ARMH3: variants seen among roughly 807,000 people sequenced by gnomAD.
The protein encoded by ARMH3 is armadillo-like helical domain-containing protein 3.
ARMH3 carries 60 observed loss-of-function variants against 99.1 expected under a neutral mutation model. The ratio of observed to expected loss-of-function variants is 0.61; its 90% CI spans 0.49 to 0.75. The LOEUF is 0.75. ARMH3 is among the 30% of genes least tolerant of loss of function. The pLI is 0.00. For synonymous variants in ARMH3, 285 were observed against 292.8 expected, an observed-to-expected ratio of 0.97 and a Z score of 0.27; for missense variants, 679 against 843.1, an observed-to-expected ratio of 0.81 and a Z score of 2.41.
At chr10:101,983,436 C>G (rs1215625368) in intron 19 of ARMH3, among the ~76,000 whole-genome samples, 1 of 152,110 alleles carries the variant, frequency 6.6e-6, no homozygotes, top group Non-Finnish European at 1.5e-5. Flanking sequence ...CACACACTAC[C>G]ACACCTAACT....
chr10:101,886,067 A>G (rs1229002288), intron 24 of ARMH3, among the ~76,000 whole-genome samples: 1 of 152,020 alleles, frequency 6.6e-6, no homozygotes, highest in Non-Finnish European at 1.5e-5. Flanking sequence ...CAAAAAAAAA[A>G]AGGGGGTTAA....
chr10:101,971,095 C>CAAAAA (rs71472590), intron 20 of ARMH3, among the ~76,000 whole-genome samples: 3 of 33,298 alleles, frequency 9.0e-5, no homozygotes, highest in African/African-American at 1.3e-4. Context: ...AGACCGTCTC[C>CAAAAA]AAAAAAAAAA....
intron 24 of ARMH3, among the ~76,000 whole-genome samples, chr10:101,875,126 T>C (rs886284153): frequency 3.3e-5 from 5 of 152,100 alleles, no homozygotes; most frequent in Admixed American, 1.3e-4. Flanking sequence ...GCACTAAAGA[T>C]ACTTAGAAGC....
At chr10:102,054,376 G>A (rs953886213) in intron 1 of ARMH3, among the ~76,000 whole-genome samples, 1 of 148,070 alleles carries the variant, frequency 6.8e-6, no homozygotes, top group Non-Finnish European at 1.5e-5. Context: ...GCGACAGAGC[G>A]AGACTCCGTC....
chr10:101,860,376 T>G (rs992562910), intron 24 of ARMH3, among the ~76,000 whole-genome samples: 2 of 152,190 alleles, frequency 1.3e-5, no homozygotes, highest in Non-Finnish European at 2.9e-5. Flanking sequence ...AGTTCAGAAC[T>G]TCCACTTGAT....
chr10:101,935,238 T>C (rs1164273114), intron 23 of ARMH3, among the ~76,000 whole-genome samples: 1 of 147,146 alleles, frequency 6.8e-6, no homozygotes, highest in African/African-American at 2.5e-5. Context: ...AACTCTCCTA[T>C]AGAGAAGAAA....
At chr10:101,874,108 T>C (rs1457895834) in intron 24 of ARMH3, among the ~76,000 whole-genome samples, 1 of 152,188 alleles carries the variant, frequency 6.6e-6, no homozygotes, top group Non-Finnish European at 1.5e-5. Flanking sequence ...TACTCTACAG[T>C]GAAAATAATC....
intron 24 of ARMH3, among the ~76,000 whole-genome samples, chr10:101,862,394 T>C (rs939875482): frequency 2.6e-5 from 4 of 152,136 alleles, no homozygotes; most frequent in Admixed American, 2.6e-4. Flanking sequence ...CTGGCCAACA[T>C]GGTGAAACCC....
intron 25 of ARMH3, among the ~76,000 whole-genome samples, chr10:101,849,331 G>A (rs919945958): frequency 3.9e-5 from 6 of 152,212 alleles, no homozygotes; most frequent in Admixed American, 2.0e-4. Flanking sequence ...CCAAGGGTGG[G>A]GGCTGCAGGA....
chr10:101,986,509 A>C (rs1421285372), intron 19 of ARMH3, among the ~76,000 whole-genome samples: 1 of 151,738 alleles, frequency 6.6e-6, no homozygotes, highest in Non-Finnish European at 1.5e-5. Flanking sequence ...ATTCACACAC[A>C]GATGTGAAAT....
At chr10:102,054,321 G>A (rs927528891) in intron 1 of ARMH3, among the ~76,000 whole-genome samples, 2 of 151,816 alleles carry the variant, frequency 1.3e-5, no homozygotes, top group African/African-American at 2.4e-5. Context: ...CCCGAGAGAC[G>A]GAGGTTGCAG....
intron 15 of ARMH3, among the ~76,000 whole-genome samples, chr10:101,996,531 T>A (rs1184948049): frequency 6.6e-6 from 1 of 152,180 alleles, no homozygotes; most frequent in Non-Finnish European, 1.5e-5. Flanking sequence ...CAAAGAGTAA[T>A]GCCCTTGCCT....
chr10:101,976,455 T>C (rs985194744), intron 19 of ARMH3, among the ~76,000 whole-genome samples: 1 of 147,328 alleles, frequency 6.8e-6, no homozygotes, highest in African/African-American at 2.5e-5. Context: ...GTGCTACCCA[T>C]TCCCCTTATC....
chr10:101,987,452 A>T (rs1476350321), intron 19 of ARMH3, among the ~76,000 whole-genome samples: 1 of 152,166 alleles, frequency 6.6e-6, no homozygotes, highest in Non-Finnish European at 1.5e-5. Flanking sequence ...TATCACAGAC[A>T]TGATTAAGAG....
At chr10:101,888,793 C>T (rs1037576788) in intron 24 of ARMH3, among the ~76,000 whole-genome samples, 5 of 152,216 alleles carry the variant, frequency 3.3e-5, no homozygotes, top group Non-Finnish European at 7.3e-5. Flanking sequence ...TCCCATGCCA[C>T]GCTAACGCCT....
In ARMH3 at chr10:101,954,444, A is replaced by G. The variant is rs556598569; in HGVS notation, c.1705+2153T>C. ...TGAAAGAAGCCAGACTCAAAAGGTT[A>G]TATCATTCCATCTATAAGATGTTCT... On this transcript the variant is annotated intron_variant, in intron 22 of 25. Coordinates refer to ENST00000370033, the MANE Select transcript of ARMH3 (RefSeq NM_024541.3). Among the ~76,000 whole-genome samples, 19 of 152,372 alleles carry G rather than the reference A, an allele frequency of 1.2e-4. No individual in the cohort carries two copies. In the East Asian group the frequency reaches 2.5e-3, roughly 20 times the overall value.
chr10:101,900,845 C>T (rs2067956995), intron 23 of ARMH3, among the ~76,000 whole-genome samples: 1 of 151,968 alleles, frequency 6.6e-6, no homozygotes, highest in Admixed American at 6.6e-5. Flanking sequence ...AATTAGCCAG[C>T]ATAATGTGCA....
intron 24 of ARMH3, among the ~76,000 whole-genome samples, chr10:101,850,099 T>TC (rs1423209215): frequency 7.0e-6 from 1 of 143,634 alleles, no homozygotes; most frequent in Non-Finnish European, 1.5e-5. Flanking sequence ...TCTTTTTTTT[T>TC]TTTTTTTTTT....
intron 24 of ARMH3, among the ~76,000 whole-genome samples, chr10:101,870,180 G>C (rs1303705207): frequency 2.0e-5 from 3 of 152,102 alleles, no homozygotes; most frequent in African/African-American, 7.2e-5. Flanking sequence ...AATTTGAGAG[G>C]GCATCACTAT....
Sources: allele counts gnomAD v4.1 joint callset (sites outside exome capture counted in the v4.1 genomes callset), GRCh38; gene constraint gnomAD v4.1.1; transcripts MANE v1.5; gene names NCBI Gene and HGNC (gene_info 2026-07-23, HGNC 2026-07-21).